CCDC30: variants seen among roughly 807,000 people sequenced by gnomAD.
The protein encoded by CCDC30 is coiled-coil domain-containing protein 30.
A neutral mutation model predicts 100.2 loss-of-function variants in CCDC30; 70 were observed. That is an observed-to-expected ratio of 0.70 (90% CI 0.58 to 0.85). CCDC30 has a LOEUF of 0.85. Ranked by LOEUF, CCDC30 falls within the 40% of genes least tolerant of loss-of-function variation. The probability of loss-of-function intolerance (pLI) is 0.00; values close to 1 mark genes in which losing one functional copy is unlikely to be tolerated. For synonymous variants in CCDC30, 233 were observed against 269.5 expected (o/e 0.86, Z 1.33); for missense variants, 652 against 771.2 (o/e 0.85, Z 1.83).
At chr1:42,460,079 T>C (rs1410833048), upstream of CCDC30, 21 of 1,407,434 alleles carry the variant, frequency 1.5e-5, no homozygotes, top group Non-Finnish European at 1.9e-5. Flanking sequence ...ATTTGTCTTT[T>C]AATGACACCT....
chr1:42,566,245 C>T lies in CCDC30; in HGVS notation c.457-51C>T, dbSNP rs190078452. 1.9e-5 allele frequency: 27 copies of T among 1,416,618 alleles called. No individual in the cohort carries two copies. In the East Asian group the frequency reaches 5.9e-4, roughly 31 times the overall value. The allele number at this position is 1,416,618 out of a possible 1,614,324, so 87.8% of individuals were successfully genotyped here. On this transcript the variant is annotated intron_variant, in intron 6 of 16. Transcript: ENST00000668663. ...TCTGACAACTTGAACCCATGTTTTA[C>T]CAATATTCTTTCCAATTGTCTGTGT... is the stretch of plus-strand genomic sequence containing the variant.
At chr1:42,476,236 CA>C (rs377543092) in intron 1 of CCDC30, among the ~76,000 whole-genome samples, 2 of 152,118 alleles carry the variant, frequency 1.3e-5, no homozygotes, top group African/African-American at 4.8e-5. Context: ...AATGGAAGAT[CA>C]GAATGATCTT....
intron 11 of CCDC30, among the ~76,000 whole-genome samples, chr1:42,617,977 C>T (rs1646757114): frequency 6.6e-6 from 1 of 152,138 alleles, no homozygotes; most frequent in Non-Finnish European, 1.5e-5. Context: ...GGGCCTACAC[C>T]TAGGAATGAA....
At chr1:42,526,913 C>T (rs12030563) in intron 6 of CCDC30, among the ~76,000 whole-genome samples, 17,959 of 152,160 alleles carry the variant, frequency 0.12, 1,297 homozygotes, top group East Asian at 0.27. Flanking sequence ...ACTGTTCCCC[C>T]TAAAAATCAA....
At chr1:42,533,429 T>TCC (rs1322840994) in intron 6 of CCDC30, among the ~76,000 whole-genome samples, 1 of 152,138 alleles carries the variant, frequency 6.6e-6, no homozygotes, top group East Asian at 1.9e-4. Context: ...TACACAGCCC[T>TCC]CCCCAGAGTA....
chr1:42,535,726 A>ATATT (rs1456742306), intron 6 of CCDC30, among the ~76,000 whole-genome samples: 17 of 109,274 alleles, frequency 1.6e-4, no homozygotes, highest in Admixed American at 4.8e-4. Context: ...TATAAATTTT[A>ATATT]AAAAATTAAA....
chr1:42,642,031 C>T (rs907154302), intron 12 of CCDC30, among the ~76,000 whole-genome samples: 2 of 152,096 alleles, frequency 1.3e-5, no homozygotes, highest in African/African-American at 2.4e-5. Context: ...CGAGACCATC[C>T]TGGCTAACAC....
Position 42,521,634 on chromosome 1 carries a change from T to C in CCDC30, c.456+22718T>C, listed in dbSNP as rs538289436. Among the ~76,000 whole-genome samples the C allele has an allele frequency of 1.8e-4, 27 of 152,306 alleles. No homozygotes were observed. The South Asian group carries it at 5.4e-3, about 30-fold the overall frequency. On this transcript the variant is annotated intron_variant, in intron 6 of 16. Coordinates refer to ENST00000668663, the Ensembl canonical transcript of CCDC30. ...ACCTACTTTTGGTCTGGTTATTTAATACATCATTGAGAGTAGGGTATTGAC... is the reference window on the plus strand; with the variant it reads ...ACCTACTTTTGGTCTGGTTATTTAACACATCATTGAGAGTAGGGTATTGAC...
chr1:42,603,806 C>T (rs997433204), intron 10 of CCDC30, among the ~76,000 whole-genome samples: 6 of 152,172 alleles, frequency 3.9e-5, no homozygotes, highest in African/African-American at 1.4e-4. Context: ...AAAAGTTATG[C>T]CTACCCAAAA....
intron 3 of CCDC30, among the ~76,000 whole-genome samples, chr1:42,486,739 ATGT>A (rs1569773002): frequency 6.6e-6 from 1 of 152,118 alleles, no homozygotes; most frequent in East Asian, 1.9e-4. Context: ...ATATGAACAT[ATGT>A]TGAGACTTGT....
intron 11 of CCDC30, among the ~76,000 whole-genome samples, chr1:42,621,883 G>A (rs1360322022): frequency 1.3e-5 from 2 of 152,152 alleles, no homozygotes; most frequent in East Asian, 3.8e-4. Flanking sequence ...GTGTGCTCAA[G>A]CAATTCTCCT....
At position 42,576,970 on chromosome 1, in the gene CCDC30, C is replaced by T. The variant is rs769389830; in HGVS notation, c.637-50C>T. ...TTTGAAAGCTGCTTATTCTAGTTCACATTCATTCCACACTTATTTGTATTA... is the reference window on the plus strand; with the variant it reads ...TTTGAAAGCTGCTTATTCTAGTTCATATTCATTCCACACTTATTTGTATTA... On this transcript the variant is annotated intron_variant, in intron 7 of 16. Coordinates refer to ENST00000668663, the Ensembl canonical transcript of CCDC30. 8.7e-6 allele frequency: 12 copies of T among 1,375,018 alleles called. No homozygotes were observed. The African/African-American group carries it at 1.7e-4, about 20-fold the overall frequency. The allele number at this position is 1,375,018 out of a possible 1,614,324, so 85.2% of individuals were successfully genotyped here.
chr1:42,592,453 C>T (rs113319441), intron 10 of CCDC30: 3,099 of 152,262 alleles, frequency 0.02, 36 homozygotes, highest in Non-Finnish European at 0.032. Context: ...CCTGTAATCC[C>T]GGCAGTTTGG....
At chr1:42,589,237 A>G in intron 9 of CCDC30, 84 bp from the exon 14 acceptor site, 1 of 1,059,060 alleles carries the variant, frequency 9.4e-7, no homozygotes. Context: ...AAAAAAAAAA[A>G]TCCCTTGTGA....
intron 6 of CCDC30, among the ~76,000 whole-genome samples, chr1:42,508,401 TC>T (rs1401698093): frequency 6.6e-6 from 1 of 152,170 alleles, no homozygotes; most frequent in Non-Finnish European, 1.5e-5. Context: ...TTCCAAATCT[TC>T]CGGGTAGCCA....
intron 6 of CCDC30, among the ~76,000 whole-genome samples, chr1:42,504,915 A>G (rs1417086309): frequency 1.3e-5 from 2 of 152,220 alleles, no homozygotes; most frequent in South Asian, 4.1e-4. Context: ...ACCAAACCCA[A>G]TAAAAAGTCC....
intron 1 of CCDC30, chr1:42,473,051 C>T: frequency 1.6e-6 from 2 of 1,212,822 alleles, no homozygotes; most frequent in Non-Finnish European, 2.1e-6. Context: ...GTGGCACCCA[C>T]ATAGATATCT....
chr1:42,558,906 A>G (rs1237216422), intron 6 of CCDC30, among the ~76,000 whole-genome samples: 1 of 152,184 alleles, frequency 6.6e-6, no homozygotes, highest in Non-Finnish European at 1.5e-5. Context: ...AGGCCAGGTC[A>G]CCTACAAAGG....
At chr1:42,546,277 C>T (rs1385957924) in intron 6 of CCDC30, among the ~76,000 whole-genome samples, 2 of 149,244 alleles carry the variant, frequency 1.3e-5, no homozygotes, top group South Asian at 2.1e-4. Flanking sequence ...CCCAGCTACT[C>T]GGGAGGCTGA....
Sources: gnomAD v4.1 joint callset for allele counts (sites outside exome capture counted in the v4.1 genomes callset) on GRCh38, gnomAD v4.1.1 for gene constraint, MANE v1.5 for transcripts, NCBI Gene and HGNC (gene_info 2026-07-23, HGNC 2026-07-21) for gene names.